RAD52: variants seen among roughly 807,000 people sequenced by gnomAD.
RAD52 encodes the protein DNA repair protein RAD52 homolog.
Under a neutral mutation model 55.5 loss-of-function variants are expected in RAD52, and 47 were observed. The observed-to-expected ratio is 0.85, with a 90% CI of 0.67 to 1.08. The LOEUF is 1.08. Among genes scored for constraint, RAD52 ranks in the 50% least tolerant of loss-of-function variants. RAD52 has a pLI of 0.00. For synonymous variants in RAD52, 184 were observed against 198.9 expected, an observed-to-expected ratio of 0.92 and a Z score of 0.63; for missense variants, 468 against 522.8, an observed-to-expected ratio of 0.90 and a Z score of 1.02.
intron 7 of RAD52, among the ~76,000 whole-genome samples, 193 bp downstream of exon 7, chr12:925,257 T>C (rs1330552725): frequency 2.6e-5 from 4 of 152,102 alleles, no homozygotes; most frequent in Admixed American, 2.0e-4. Context: ...GCCCACATGA[T>C]GTACTTTAGA....
At chr12:980,035 G>A (rs915925106) in intron 1 of RAD52, among the ~76,000 whole-genome samples, 41 of 151,660 alleles carry the variant, frequency 2.7e-4, no homozygotes, top group Non-Finnish European at 4.3e-4. Context: ...TTAAAAATAC[G>A]AAAATTTGCT....
intron 1 of RAD52, among the ~76,000 whole-genome samples, chr12:960,496 T>C (rs772845719): frequency 6.6e-6 from 1 of 152,172 alleles, no homozygotes; most frequent in Non-Finnish European, 1.5e-5. Flanking sequence ...TTTGTTTGCT[T>C]GTTCTGACAC....
At chr12:935,255 C>G (rs1207632346) in intron 1 of RAD52, among the ~76,000 whole-genome samples, 1 of 151,978 alleles carries the variant, frequency 6.6e-6, no homozygotes, top group Non-Finnish European at 1.5e-5. Context: ...AACAAGATAG[C>G]TGGAGGGAGG....
intron 1 of RAD52, among the ~76,000 whole-genome samples, chr12:956,982 G>T (rs1016836994): frequency 3.3e-5 from 5 of 152,222 alleles, no homozygotes; most frequent in Admixed American, 6.5e-5. Flanking sequence ...AGATGTTTCT[G>T]TAATGTTAAT....
At chr12:930,743 G>A (rs1281050181) in intron 3 of RAD52, among the ~76,000 whole-genome samples, 1 of 151,900 alleles carries the variant, frequency 6.6e-6, no homozygotes, top group African/African-American at 2.4e-5. Context: ...GAGGTGGGAG[G>A]ATCACTTGAG....
In RAD52 at chr12:925,447, T is replaced by C. The variant is rs748370290; in HGVS notation, c.543+3A>G. 5 of 1,611,214 alleles carry C rather than the reference T, an allele frequency of 3.1e-6. No individual in the cohort carries two copies. The highest frequency in any genetic ancestry group is 3.4e-6 in the Non-Finnish European group (4 of 1,177,362). On this transcript the variant is annotated splice_donor_region_variant and intron_variant, in intron 7 of 11. Coordinates refer to ENST00000358495, the MANE Select transcript of RAD52 (RefSeq NM_134424.4). Reference sequence around the variant, plus strand: ...TCACTCCACTCATCCATGTCTGATATACCTGGCGTGGAAGCTTATTTAGTG... The same window carrying C: ...TCACTCCACTCATCCATGTCTGATACACCTGGCGTGGAAGCTTATTTAGTG...
intron 7 of RAD52, among the ~76,000 whole-genome samples, chr12:917,315 A>G (rs1013285804): frequency 1.3e-5 from 2 of 152,188 alleles, no homozygotes; most frequent in African/African-American, 4.8e-5. Flanking sequence ...GCTGCAAGGA[A>G]TCTTCCAGAA....
intron 1 of RAD52, among the ~76,000 whole-genome samples, chr12:937,715 C>T (rs373027399): frequency 2.0e-5 from 3 of 152,084 alleles, no homozygotes; most frequent in East Asian, 1.9e-4. Flanking sequence ...TGTGAGCCAC[C>T]GCGCCCAGCC....
At chr12:989,776 T>G (rs971547102) in intron 1 of RAD52, 9 of 152,174 alleles carry the variant, frequency 5.9e-5, no homozygotes, top group Non-Finnish European at 1.3e-4. Context: ...AGAACAGAAA[T>G]ATCTATTGAC....
chr12:927,034 T>G, intron 6 of RAD52, 111 bp downstream of exon 6: 1 of 1,524,812 alleles, frequency 6.6e-7, no homozygotes, highest in Admixed American at 1.7e-5. Context: ...CCTTCCACGC[T>G]GCTTGGATTT....
chr12:932,812 C>CCCCCGCAGGTACCGCG (rs1565672923), intron 2 of RAD52, among the ~76,000 whole-genome samples, 163 bp downstream of exon 2: 67 of 27,504 alleles, frequency 2.4e-3, no homozygotes, highest in South Asian at 3.8e-3. Context: ...CTAGGTACTG[C>CCCCCGCAGGTACCGCG]TCACACACGT....
intron 1 of RAD52, among the ~76,000 whole-genome samples, chr12:939,085 T>TGTGTGTGTGTAG (rs57206780): frequency 0.11 from 15,490 of 144,222 alleles, 974 homozygotes; most frequent in Non-Finnish European, 0.14. Flanking sequence ...TGTGTGTGTG[T>TGTGTGTGTGTAG]AGAGAGAGAG....
chr12:967,575 C>G (rs551254747), intron 1 of RAD52, among the ~76,000 whole-genome samples: 2 of 151,952 alleles, frequency 1.3e-5, no homozygotes, highest in East Asian at 3.9e-4. Flanking sequence ...CCTATATGCA[C>G]ATCCCTGCCT....
At chr12:983,665 C>G (rs1046973984) in intron 1 of RAD52, among the ~76,000 whole-genome samples, 1 of 152,164 alleles carries the variant, frequency 6.6e-6, no homozygotes, top group African/African-American at 2.4e-5. Context: ...GGTGGTCCAC[C>G]TGCCTTGGCC....
chr12:928,003 G>A (rs1232786594), intron 5 of RAD52, among the ~76,000 whole-genome samples: 1 of 152,142 alleles, frequency 6.6e-6, no homozygotes, highest in East Asian at 1.9e-4. Context: ...AGAGAAGGTG[G>A]ACCTGAGCAC....
intron 7 of RAD52, among the ~76,000 whole-genome samples, chr12:920,505 T>C (rs1956664699): frequency 6.8e-6 from 1 of 147,548 alleles, no homozygotes; most frequent in Admixed American, 6.8e-5. Flanking sequence ...TGCAGTGAGC[T>C]GAGATCGCAC....
At position 913,230 on chromosome 12, in the gene RAD52, G is replaced by A; in HGVS notation, c.*161C>T. 1.5e-6 allele frequency: 1 copy of A among 670,306 alleles called. No individual in the cohort carries two copies. Among genetic ancestry groups the A allele is most frequent in the Non-Finnish European group, 2.6e-6 (1 of 381,636 alleles). The allele number at this position is 670,306 out of a possible 1,614,324, so 41.5% of individuals were successfully genotyped here. On this transcript the variant is annotated 3_prime_UTR_variant, in exon 12 of 12. Transcript: ENST00000358495. ...TTTTCAAAAGTGCTCAGCTCTAACT[G>A]CAGTGGGCTCTCAGTCAGATCCTCT...
chr12:960,883 T>C (rs1210423826), intron 1 of RAD52, among the ~76,000 whole-genome samples: 1 of 151,974 alleles, frequency 6.6e-6, no homozygotes, highest in East Asian at 1.9e-4. Flanking sequence ...GAAATATACA[T>C]AAAGAAGTCA....
intron 1 of RAD52, among the ~76,000 whole-genome samples, chr12:955,535 G>A (rs1177196790): frequency 6.6e-5 from 10 of 150,846 alleles, no homozygotes; most frequent in East Asian, 2.0e-4. Context: ...GTGCAGTGGC[G>A]CAATCTCAAC....
Sources: allele counts gnomAD v4.1 joint callset (sites outside exome capture counted in the v4.1 genomes callset), GRCh38; gene constraint gnomAD v4.1.1; transcripts MANE v1.5; gene names NCBI Gene and HGNC (gene_info 2026-07-23, HGNC 2026-07-21).